The following EVI5L variants were observed in gnomAD, a reference collection of about 807,000 sequenced individuals.
The protein encoded by EVI5L is EVI5-like protein.
Under a neutral mutation model 106.1 loss-of-function variants are expected in EVI5L, and 30 were observed. The observed-to-expected ratio is 0.28, with a 90% CI of 0.21 to 0.38. The LOEUF is 0.38. Ranked by LOEUF, EVI5L falls within the 10% of genes least tolerant of loss-of-function variation. EVI5L has a pLI of 1.00. For missense variants in EVI5L, 809 were observed against 1,098.0 expected (o/e 0.74, Z 3.72); for synonymous variants, 489 against 483.3 (o/e 1.01, Z -0.15).
chr19:7,853,358 G>A (rs766478296), intron 10 of EVI5L, 25 bp downstream of exon 10: 7 of 1,598,776 alleles, frequency 4.4e-6, no homozygotes, highest in Non-Finnish European at 6.0e-6. Context: ...CCAGGGGCGG[G>A]GACAGGGATG....
intron 10 of EVI5L, chr19:7,853,597 CAATA>C (rs1979374973): frequency 1.8e-6 from 1 of 562,636 alleles, no homozygotes; most frequent in South Asian, 2.0e-5. Flanking sequence ...GGGAAGCAAT[CAATA>C]AACCACTGAA....
At chr19:7,854,340 G>T (rs184156799) in intron 10 of EVI5L, among the ~76,000 whole-genome samples, 120 of 151,846 alleles carry the variant, frequency 7.9e-4, no homozygotes, top group African/African-American at 2.8e-3. Flanking sequence ...CCTGCTGTGT[G>T]CCAAAGTCAC....
Position 7,848,886 on chromosome 19 carries a change from C to G in EVI5L, c.328-35C>G. On this transcript the variant is annotated intron_variant, in intron 3 of 19. Coordinates refer to ENST00000538904, the MANE Select transcript of EVI5L (RefSeq NM_001159944.3). This position sits in a 1 kb window ranked among gnomAD's most constrained non-coding sequence, Gnocchi z 4.8. ...GGCCACGGGGAGGCTGCGCTGGGACCGAGTCCAGCCCCCGCTTCCCGCTCC... is the reference window on the plus strand; with the variant it reads ...GGCCACGGGGAGGCTGCGCTGGGACGGAGTCCAGCCCCCGCTTCCCGCTCC... 3.8e-6 allele frequency: 6 copies of G among 1,589,694 alleles called. No individual in the cohort carries two copies. The highest frequency in any genetic ancestry group is 1.1e-5 in the South Asian group (1 of 88,914).
chr19:7,843,353 T>TATGA (rs1978763113), intron 1 of EVI5L, among the ~76,000 whole-genome samples: 1 of 140,972 alleles, frequency 7.1e-6, no homozygotes, highest in Non-Finnish European at 1.5e-5. Context: ...TGTATAGGTG[T>TATGA]GTGAGTGTGA....
rs761843617 is a variant in EVI5L, at chr19:7,847,716, G to C, written c.138-16G>C. ...AGGGAGTCACTGGTTCCCCTCTGTC[G>C]GCCCTTCCTGCCCAGGCTCCTGGAG... On this transcript the variant is annotated splice_polypyrimidine_tract_variant and intron_variant, in intron 2 of 19. Coordinates refer to ENST00000538904, the MANE Select transcript of EVI5L (RefSeq NM_001159944.3). 1.6e-5 allele frequency: 26 copies of C among 1,606,116 alleles called. No individual in the cohort carries two copies. The East Asian group carries it at 1.8e-4, about 11-fold the overall frequency.
intron 2 of EVI5L, among the ~76,000 whole-genome samples, 163 bp from the exon 3 acceptor site, chr19:7,847,569 G>C (rs1444416031): frequency 6.6e-6 from 1 of 150,672 alleles, no homozygotes; most frequent in African/African-American, 2.4e-5. Context: ...CTGGGCGACA[G>C]AGCAAGACTC....
chr19:7,847,640 G>T, intron 2 of EVI5L, 92 bp from the exon 3 acceptor site: 1 of 1,329,588 alleles, frequency 7.5e-7, no homozygotes, highest in Non-Finnish European at 1.0e-6. Context: ...TGTCCTCTAA[G>T]ACCCCCAGGA....
chr19:7,840,163 G>A (rs1978537640), intron 1 of EVI5L, among the ~76,000 whole-genome samples: 1 of 152,176 alleles, frequency 6.6e-6, no homozygotes, highest in South Asian at 2.1e-4. Context: ...CTCCGCATGA[G>A]GGGCCAGAAG....
intron 1 of EVI5L, among the ~76,000 whole-genome samples, chr19:7,844,478 C>T (rs534476164): frequency 2.0e-4 from 30 of 152,320 alleles, no homozygotes; most frequent in African/African-American, 7.2e-4. Flanking sequence ...GCTCCAGCCT[C>T]ACCTCCACCA....
In EVI5L at chr19:7,851,743, G is replaced by T; in HGVS notation, c.960G>T (p.Met320Ile). The T allele has an allele frequency of 6.6e-7, 1 of 1,510,610 alleles. No homozygotes were observed. Among genetic ancestry groups the T allele is most frequent in the South Asian group, 1.3e-5 (1 of 74,576 alleles). 93.6% of individuals were successfully genotyped at this position (1,510,610 alleles called of 1,614,324 possible). A position where few individuals can be genotyped will look rare whatever the true frequency, so the allele number is the denominator to read the frequency against. Reference sequence around the variant, plus strand: ...TGCAGGTGAACCAGGCAGAGCTGATGCAGCTGGACATGGAGGGGATGTCCC... The same window carrying T: ...TGCAGGTGAACCAGGCAGAGCTGATTCAGCTGGACATGGAGGGGATGTCCC... ...ALLQVNQAELMQLDMEGMSQY... is the reference protein window; with the variant it reads ...ALLQVNQAELIQLDMEGMSQY... The change falls in exon 8 of 20, where the codon ATG (methionine) becomes ATT (isoleucine). Residue 320 changes from methionine to isoleucine, a missense_variant. By Grantham distance (10) the Met-to-Ile change is conservative (BLOSUM62 1). Transcript: ENST00000538904.
rs1197227612 is a variant in EVI5L, at chr19:7,845,278, G to A, written c.-47-1218G>A. Among the ~76,000 whole-genome samples the A allele has an allele frequency of 1.3e-5, 2 of 152,174 alleles. No homozygotes were observed. The highest frequency in any genetic ancestry group is 2.9e-5 in the Non-Finnish European group (2 of 67,968). ...CCTAGGTATCCCCATCTTCTCAGAC[G>A]CTGGAGGTGAGCCTGGGCTCACCAG... On this transcript the variant is annotated intron_variant, in intron 1 of 19. Coordinates refer to ENST00000538904, the MANE Select transcript of EVI5L (RefSeq NM_001159944.3). This position sits in a 1 kb window ranked among gnomAD's most constrained non-coding sequence, Gnocchi z 4.0.
intron 1 of EVI5L, among the ~76,000 whole-genome samples, chr19:7,839,522 G>C (rs1978503618): frequency 6.6e-6 from 1 of 152,184 alleles, no homozygotes; most frequent in Non-Finnish European, 1.5e-5. Flanking sequence ...AAGGGTCTTA[G>C]GCAGGCAATG....
chr19:7,851,986 G>C (rs962057943), intron 8 of EVI5L, among the ~76,000 whole-genome samples: 1 of 152,192 alleles, frequency 6.6e-6, no homozygotes, highest in African/African-American at 2.4e-5. Context: ...GGGGCCAGCA[G>C]CCTGGCCGCA....
chr19:7,848,555 G>A lies in EVI5L; in HGVS notation c.328-366G>A, dbSNP rs894885611. 1.1e-4 allele frequency among the ~76,000 whole-genome samples: 16 copies of A among 151,708 alleles called. No homozygotes were observed. The highest frequency in any genetic ancestry group is 6.6e-4 in the Admixed American group (10 of 15,222). ...AGAGGTAGCAGTGAGCCAAGATCACGCCACTGCACTCCGGCGTGGGCAACA... is the reference window on the plus strand; with the variant it reads ...AGAGGTAGCAGTGAGCCAAGATCACACCACTGCACTCCGGCGTGGGCAACA... On this transcript the variant is annotated intron_variant, in intron 3 of 19. Coordinates refer to ENST00000538904, the MANE Select transcript of EVI5L (RefSeq NM_001159944.3). The surrounding 1 kb of genome is among the most constrained non-coding windows in gnomAD (Gnocchi z 4.8).
At chr19:7,846,280 G>T (rs548941272) in intron 1 of EVI5L, among the ~76,000 whole-genome samples, 3 of 152,164 alleles carry the variant, frequency 2.0e-5, no homozygotes, top group African/African-American at 7.2e-5. Context: ...CCAGACATCC[G>T]GCCTGATGAC....
At position 7,857,942 on chromosome 19, in the gene EVI5L, A is replaced by G; in HGVS notation, c.1234-249A>G. ...ACTGAGAGCCAGAGTGGGGAAGGAG[A>G]TGGAGCTTTCCAAGCCCAGGGCTAG... On this transcript the variant is annotated intron_variant, in intron 12 of 19. Transcript: ENST00000538904. The surrounding 1 kb of genome is among the most constrained non-coding windows in gnomAD (Gnocchi z 4.5). 2 of 501,442 alleles carry G rather than the reference A, an allele frequency of 4.0e-6. No homozygotes were observed. 31.1% of individuals were successfully genotyped at this position (501,442 alleles called of 1,614,324 possible).
chr19:7,862,415 C>T lies in EVI5L; in HGVS notation c.1828C>T (p.Arg610Cys), dbSNP rs1256572208. ...CCACATCCACCGCAACCTTCTGAAC[C>T]GCGTGGAGGCGGAGCGCGCGGCGCT... The part of the protein sequence containing the change: ...QDHIHRNLLN[R>C]VEAERAALQE... Residue 610 changes from arginine to cysteine, a missense_variant, in exon 17 of 20, where the codon CGC (arginine) becomes TGC (cysteine). By Grantham distance (180) the Arg-to-Cys change is radical (BLOSUM62 -3). Coordinates refer to ENST00000538904, the MANE Select transcript of EVI5L (RefSeq NM_001159944.3). 3.1e-6 allele frequency: 5 copies of T among 1,609,834 alleles called. No individual in the cohort carries two copies. Among genetic ancestry groups the T allele is most frequent in the Non-Finnish European group, 4.2e-6 (5 of 1,178,466 alleles).
Position 7,849,037 on chromosome 19 carries a change from G to A in EVI5L, c.444G>A (p.Ser148=), listed in dbSNP as rs768742698. ...ACTCCGAGCTGCTCAAGATGTCCTC[G>A]CCGTGCGAGAAGCTGATCCGCAGGG... ...NQYSELLKMS[S]PCEKLIRRDI... The change falls in exon 4 of 20, where the codon TCG becomes TCA. Residue 148 remains serine, a synonymous_variant. Transcript: ENST00000538904. 6.8e-6 allele frequency: 11 copies of A among 1,613,546 alleles called. No individual in the cohort carries two copies. In the East Asian group the frequency reaches 1.6e-4, roughly 23 times the overall value.
chr19:7,863,085 G>A lies in EVI5L; in HGVS notation c.2043+18G>A. On this transcript the variant is annotated intron_variant, in intron 18 of 19. Transcript: ENST00000538904. This position sits in a 1 kb window ranked among gnomAD's most constrained non-coding sequence, Gnocchi z 7.7. ...AGATCCAGGTGATCGGCGGGGCCGG[G>A]GTCGGGGGGCGGGGGCGGGGGCAGG... is the stretch of plus-strand genomic sequence containing the variant. 4.3e-6 allele frequency: 5 copies of A among 1,154,656 alleles called. No homozygotes were observed. The highest frequency in any genetic ancestry group is 6.2e-6 in the Non-Finnish European group (5 of 802,282). 71.5% of individuals were successfully genotyped at this position (1,154,656 alleles called of 1,614,324 possible).
Sources: gnomAD v4.1 joint callset for allele counts (sites outside exome capture counted in the v4.1 genomes callset) on GRCh38, gnomAD v4.1.1 for gene constraint, Gnocchi (gnomAD v3.1) non-coding constraint, MANE v1.5 for transcripts, NCBI Gene and HGNC (gene_info 2026-07-23, HGNC 2026-07-21) for gene names.